PDIA3: variants seen among roughly 807,000 people sequenced by gnomAD.
PDIA3 encodes protein disulfide-isomerase A3.
Under a neutral mutation model 56.9 loss-of-function variants are expected in PDIA3, and 16 were observed. The observed-to-expected ratio is 0.28, with a 90% CI of 0.19 to 0.43. The LOEUF (loss-of-function observed/expected upper bound fraction) is 0.43. PDIA3 is among the 20% of genes least tolerant of loss of function. The pLI, the probability that PDIA3 is intolerant of heterozygous loss-of-function variation, is 1.00. For missense variants in PDIA3, 485 were observed against 621.3 expected (o/e 0.78, Z 2.33); for synonymous variants, 192 against 216.5 (o/e 0.89, Z 0.99).
rs1026717759 is a variant in PDIA3, at chr15:43,753,873, A to G, written c.217A>G (p.Arg73Gly). The G allele has an allele frequency of 1.2e-5, 20 of 1,613,270 alleles. No homozygotes were observed. The highest frequency in any genetic ancestry group is 5.3e-5 in the African/African-American group (4 of 74,934). ...LAPEYEAAATRLKGIVPLAKV... is the reference protein window; with the variant it reads ...LAPEYEAAATGLKGIVPLAKV... ...ACCTGAGTATGAAGCTGCAGCTACC[A>G]GATTAAAAGGAATAGTCCCATTAGC... The change falls in exon 2 of 13, where the codon AGA (arginine) becomes GGA (glycine). Residue 73 changes from arginine (R) to glycine (G), a missense_variant. Arg to Gly is a moderately radical substitution (Grantham distance 125, BLOSUM62 -2). Transcript: ENST00000300289.
chr15:43,762,579 G>A (rs2141653196), intron 4 of PDIA3, among the ~76,000 whole-genome samples: 1 of 150,844 alleles, frequency 6.6e-6, no homozygotes, highest in South Asian at 2.1e-4. Context: ...TTGGCTAAAA[G>A]CCACTTTTTA....
intron 3 of PDIA3, among the ~76,000 whole-genome samples, chr15:43,759,939 A>G (rs2086803614): frequency 6.6e-6 from 1 of 152,108 alleles, no homozygotes; most frequent in African/African-American, 2.4e-5. Context: ...AATACAAAAA[A>G]TTAGCCGGGC....
chr15:43,763,819 C>T (rs1029904870), intron 5 of PDIA3, among the ~76,000 whole-genome samples: 1 of 151,308 alleles, frequency 6.6e-6, no homozygotes, highest in African/African-American at 2.4e-5. Context: ...GAGGGGGTGA[C>T]TCTTGAAGGA....
chr15:43,767,170 A>G (rs1196740887), intron 8 of PDIA3, among the ~76,000 whole-genome samples: 1 of 151,588 alleles, frequency 6.6e-6, no homozygotes, highest in Non-Finnish European at 1.5e-5. Context: ...ACCAACATAG[A>G]GAAACCCCGT....
intron 1 of PDIA3, among the ~76,000 whole-genome samples, chr15:43,749,001 C>T (rs2086726033): frequency 6.6e-6 from 1 of 152,072 alleles, no homozygotes. Context: ...GAACTCCTGA[C>T]TTCAGGTGAT....
rs758191629 is a variant in PDIA3, at chr15:43,770,256, A to G, written c.1273A>G (p.Lys425Glu). ...TAACCTGTTTTATTAACAGCTCAGC[A>G]AAGACCCAAATATCGTCATAGCCAA... is the stretch of plus-strand genomic sequence containing the variant. ...KYKELGEKLS[K>E]DPNIVIAKMD... The change falls in exon 11 of 13, where the codon AAA (lysine) becomes GAA (glutamate). Residue 425 changes from lysine to glutamate, a missense_variant. Physicochemically the swap from Lys to Glu is moderately conservative, Grantham distance 56. Transcript: ENST00000300289. 6.2e-7 allele frequency: 1 copy of G among 1,613,802 alleles called. No homozygotes were observed. Among genetic ancestry groups the G allele is most frequent in the Non-Finnish European group, 8.5e-7 (1 of 1,179,644 alleles).
chr15:43,747,755 G>T (rs2086716627), intron 1 of PDIA3, among the ~76,000 whole-genome samples: 2 of 152,090 alleles, frequency 1.3e-5, no homozygotes, highest in African/African-American at 4.8e-5. Flanking sequence ...AGTAAAAGTT[G>T]TGTATAACTT....
chr15:43,756,858 C>T (rs2086781501), intron 3 of PDIA3, 92 bp downstream of exon 3: 2 of 696,784 alleles, frequency 2.9e-6, no homozygotes, highest in South Asian at 2.1e-5. Context: ...ACACAGTATA[C>T]TTTCAGTCTT....
At position 43,771,482 on chromosome 15, in the gene PDIA3, G is replaced by T; in HGVS notation, c.*264G>T. On this transcript the variant is annotated 3_prime_UTR_variant, in exon 13 of 13. Transcript: ENST00000300289. ...TTGTGGGGGTGGGGTTGAGTTGGGG[G>T]TATTTTCTAATTTTTTTTGTACATT... The T allele has an allele frequency of 6.7e-6, 3 of 447,462 alleles. No homozygotes were observed. The highest frequency in any genetic ancestry group is 1.2e-5 in the Non-Finnish European group (3 of 255,342). The allele number at this position is 447,462 out of a possible 1,614,324, so 27.7% of individuals were successfully genotyped here.
intron 4 of PDIA3, among the ~76,000 whole-genome samples, chr15:43,762,713 T>A (rs1350810359): frequency 6.6e-6 from 1 of 152,152 alleles, no homozygotes; most frequent in East Asian, 1.9e-4. Flanking sequence ...AGGAAAAAAA[T>A]TGGGTGAAGT....
At chr15:43,756,423 C>T (rs1009827610) in intron 2 of PDIA3, among the ~76,000 whole-genome samples, 1 of 152,170 alleles carries the variant, frequency 6.6e-6, no homozygotes, top group African/African-American at 2.4e-5. Flanking sequence ...AGGAACTTTG[C>T]ATTTTATGTG....
chr15:43,749,373 G>A (rs1281092709), intron 1 of PDIA3, among the ~76,000 whole-genome samples: 2 of 152,176 alleles, frequency 1.3e-5, no homozygotes, highest in African/African-American at 4.8e-5. Flanking sequence ...ACAGGCGTGC[G>A]CCACCTAGCC....
rs1596023208 is a variant in PDIA3 at position 43,763,097 on chromosome 15, A to T, written c.493A>T (p.Ser165Cys). ...TATAGGTTTTTTCGATGATTCATTC[A>T]GTGAGGCTCACTCCGAGTTCCTAAA... ...SIVGFFDDSF[S>C]EAHSEFLKAA... The change falls in exon 5 of 13, where the codon AGT (serine) becomes TGT (cysteine). Residue 165 changes from serine to cysteine, a missense_variant. By Grantham distance (112) the Ser-to-Cys change is moderately radical. Coordinates refer to ENST00000300289, the MANE Select transcript of PDIA3 (RefSeq NM_005313.5). The T allele has an allele frequency of 6.2e-7, 1 of 1,613,988 alleles. No homozygotes were observed. Among genetic ancestry groups the T allele is most frequent in the Admixed American group, 1.7e-5 (1 of 59,994 alleles).
intron 1 of PDIA3, among the ~76,000 whole-genome samples, chr15:43,752,410 A>G (rs2086750363): frequency 6.6e-6 from 1 of 152,242 alleles, no homozygotes; most frequent in Admixed American, 6.5e-5. Context: ...TGAGAAAGAA[A>G]TACTACCACT....
At chr15:43,749,518 G>A (rs1032307464) in intron 1 of PDIA3, among the ~76,000 whole-genome samples, 3 of 152,172 alleles carry the variant, frequency 2.0e-5, no homozygotes, top group Admixed American at 2.0e-4. Flanking sequence ...ATGGGGTCTG[G>A]CCCTGTTGTG....
chr15:43,757,959 A>G (rs1268689079), intron 3 of PDIA3, among the ~76,000 whole-genome samples: 1 of 150,602 alleles, frequency 6.6e-6, no homozygotes, highest in Non-Finnish European at 1.5e-5. Flanking sequence ...AAAACAACGA[A>G]ATAGGCCGGG....
chr15:43,763,317 A>G (rs945632897), intron 5 of PDIA3, 111 bp downstream of exon 5: 29 of 1,212,804 alleles, frequency 2.4e-5, no homozygotes, highest in Non-Finnish European at 3.0e-5. Flanking sequence ...CAGTGGTGCA[A>G]TCTCTGCTCA....
rs1374512737 is a variant in PDIA3 at position 43,766,764 on chromosome 15, G to C, written c.882G>C (p.Gly294=). Residue 294 remains glycine (G), a synonymous_variant, in exon 8 of 13, where the codon GGG becomes GGC. Coordinates refer to ENST00000300289, the MANE Select transcript of PDIA3 (RefSeq NM_005313.5). ...MMVAKKFLDA[G]HKLNFAVASR... is the part of the protein sequence containing the mutation. ...TGGCAAAGAAATTCCTGGATGCTGG[G>C]CACAAACTCAACTTTGCTGTAGCTA... 1 of 1,613,860 alleles carries C rather than the reference G, an allele frequency of 6.2e-7. No individual in the cohort carries two copies. The highest frequency in any genetic ancestry group is 8.5e-7 in the Non-Finnish European group (1 of 1,179,872).
chr15:43,746,469 T>G lies in PDIA3; in HGVS notation c.-71T>G. ...GCGAGCGCAAGCAGCGGGTTAGTGG[T>G]CGCGCGCCCGACCTCCGCAGTCCCA... On this transcript the variant is annotated 5_prime_UTR_variant, in exon 1 of 13. Coordinates refer to ENST00000300289, the MANE Select transcript of PDIA3 (RefSeq NM_005313.5). 7.3e-7 allele frequency: 1 copy of G among 1,370,528 alleles called. No homozygotes were observed. The highest frequency in any genetic ancestry group is 9.6e-7 in the Non-Finnish European group (1 of 1,042,446). 84.9% of individuals were successfully genotyped at this position (1,370,528 alleles called of 1,614,324 possible).
Sources: gnomAD v4.1 joint callset for allele counts (sites outside exome capture counted in the v4.1 genomes callset) on GRCh38, gnomAD v4.1.1 for gene constraint, MANE v1.5 for transcripts, NCBI Gene and HGNC (gene_info 2026-07-23, HGNC 2026-07-21) for gene names.